The following MYO5A variants were observed in gnomAD, a reference collection of about 807,000 sequenced individuals.
MYO5A encodes unconventional myosin-Va.
A neutral mutation model predicts 249.7 loss-of-function variants in MYO5A; 98 were observed. The observed-to-expected ratio is 0.39, with a 90% CI of 0.33 to 0.46. The LOEUF (loss-of-function observed/expected upper bound fraction) is 0.46. Ranked by LOEUF, MYO5A falls within the 20% of genes least tolerant of loss-of-function variation. The pLI is 0.98. For synonymous variants in MYO5A, 778 were observed against 810.6 expected, an observed-to-expected ratio of 0.96 and a Z score of 0.68; for missense variants, 1,696 against 2,308.8, an observed-to-expected ratio of 0.73 and a Z score of 5.44.
At chr15:52,343,499 A>G (rs2039474107) in intron 30 of MYO5A, among the ~76,000 whole-genome samples, 1 of 152,242 alleles carries the variant, frequency 6.6e-6, no homozygotes, top group Non-Finnish European at 1.5e-5. Flanking sequence ...TTGATGTTTT[A>G]TTCAGCTAGC....
intron 25 of MYO5A, among the ~76,000 whole-genome samples, chr15:52,354,373 C>T (rs963675251): frequency 1.3e-4 from 20 of 152,252 alleles, no homozygotes; most frequent in African/African-American, 4.6e-4. Flanking sequence ...CCTAGCAAAT[C>T]TACATTTAGG....
At chr15:52,318,122 T>G (rs1346560892) in intron 39 of MYO5A, among the ~76,000 whole-genome samples, 1 of 152,118 alleles carries the variant, frequency 6.6e-6, no homozygotes, top group Non-Finnish European at 1.5e-5. Flanking sequence ...GGAGAAATCA[T>G]TTTTCCCTCC....
intron 25 of MYO5A, 35 bp downstream of exon 25, chr15:52,359,933 T>C (rs760802420): frequency 2.1e-6 from 3 of 1,437,500 alleles, no homozygotes; most frequent in African/African-American, 2.8e-5. Context: ...AGCATGCTCA[T>C]ATCCTACTTT....
At chr15:52,317,570 T>C (rs2038084336) in intron 39 of MYO5A, among the ~76,000 whole-genome samples, 1 of 152,236 alleles carries the variant, frequency 6.6e-6, no homozygotes, top group Non-Finnish European at 1.5e-5. Context: ...TTGTAGCTTC[T>C]CTTACAATTT....
chr15:52,389,057 A>G (rs1284588458), intron 13 of MYO5A, among the ~76,000 whole-genome samples, 181 bp downstream of exon 13: 3 of 152,146 alleles, frequency 2.0e-5, no homozygotes, highest in African/African-American at 7.2e-5. Flanking sequence ...TACTTATTTC[A>G]CAAATAACTC....
In MYO5A at chr15:52,410,997, A is replaced by C. The variant is rs200745394; in HGVS notation, c.613-521T>G. ...TTTTATTTGTCTTGTTATTCTCACA[A>C]AAATGATTTTCAGAAACAGCAGACC... is the stretch of plus-strand genomic sequence containing the variant. On this transcript the variant is annotated intron_variant, in intron 5 of 41. Transcript: ENST00000399233. Among the ~76,000 whole-genome samples, 5 of 152,208 alleles carry C rather than the reference A, an allele frequency of 3.3e-5. No individual in the cohort carries two copies. In the East Asian group the frequency reaches 9.6e-4, roughly 29 times the overall value.
chr15:52,425,814 GA>G lies in MYO5A; in HGVS notation c.455+15del, dbSNP rs2075382930. The G allele has an allele frequency of 1.9e-6, 3 of 1,613,284 alleles. No individual in the cohort carries two copies. Among genetic ancestry groups the G allele is most frequent in the Admixed American group, 1.7e-5 (1 of 60,006 alleles). ...CTAATAACTGCCATAAAATAACAAT[GA>G]AAGCTTCTACCAACCTGGCCATTTG... On this transcript the variant is annotated intron_variant, in intron 4 of 41. Transcript: ENST00000399233.
At chr15:52,391,885 T>C (rs1595582954) in intron 12 of MYO5A, 45 bp downstream of exon 12, 1 of 1,587,538 alleles carries the variant, frequency 6.3e-7, no homozygotes, top group Admixed American at 1.7e-5. Context: ...CTGACCTTGA[T>C]ACATCTATTT....
Position 52,505,702 on chromosome 15 carries a change from G to A in MYO5A, c.27+23078C>T. 2.3e-6 allele frequency: 3 copies of A among 1,295,340 alleles called. No individual in the cohort carries two copies. In the South Asian group the frequency reaches 3.5e-5, roughly 15 times the overall value. 80.2% of individuals were successfully genotyped at this position (1,295,340 alleles called of 1,614,324 possible). On this transcript the variant is annotated intron_variant, in intron 1 of 41. Transcript: ENST00000399233. ...CATTCAAGCAGACGTCTTAGTCTGG[G>A]ACTCATCTAAACTAGTTCCAGTGGG...
rs1356233250 is a variant in MYO5A at position 52,323,397 on chromosome 15, T to C, written c.4758A>G (p.Thr1586=). 8.7e-6 allele frequency: 14 copies of C among 1,613,866 alleles called. No individual in the cohort carries two copies. Among genetic ancestry groups the C allele is most frequent in the Non-Finnish European group, 1.2e-5 (14 of 1,179,802 alleles). Residue 1586 remains threonine, a synonymous_variant, in exon 37 of 42, where the codon ACA becomes ACG. Coordinates refer to ENST00000399233, the MANE Select transcript of MYO5A (RefSeq NM_001382347.1). Reference sequence around the variant, plus strand: ...GTTTCAAGCAGTGCAAAAATCGGCATGTGTTAGAGAGCCAGAAGGAGACGG... The same window carrying C: ...GTTTCAAGCAGTGCAAAAATCGGCACGTGTTAGAGAGCCAGAAGGAGACGG... ...FETVSFWLSN[T]CRFLHCLKQY... is the part of the protein sequence containing the mutation.
At chr15:52,364,808 A>C in intron 23 of MYO5A, 106 bp from the exon 24 acceptor site, 2 of 1,308,428 alleles carry the variant, frequency 1.5e-6, no homozygotes, top group Non-Finnish European at 2.2e-6. Context: ...TTTTACTTTT[A>C]GTATCACTGT....
intron 32 of MYO5A, among the ~76,000 whole-genome samples, chr15:52,339,458 CTG>C (rs1190967181): frequency 6.7e-6 from 1 of 149,204 alleles, no homozygotes; most frequent in African/African-American, 2.5e-5. Flanking sequence ...TGTCAAAAAA[CTG>C]TAAATCAGTA....
chr15:52,336,709 T>C (rs1015817162), intron 33 of MYO5A, among the ~76,000 whole-genome samples, 153 bp from the exon 34 acceptor site: 8 of 152,178 alleles, frequency 5.3e-5, no homozygotes, highest in African/African-American at 1.9e-4. Flanking sequence ...TTGGCAGGCA[T>C]GGGAAATGCA....
At chr15:52,323,498 A>G in intron 36 of MYO5A, 54 bp from the exon 37 acceptor site, 1 of 1,347,464 alleles carries the variant, frequency 7.4e-7, no homozygotes, top group Non-Finnish European at 1.1e-6. Context: ...ATAACAACCT[A>G]AAAAAAATTG....
intron 32 of MYO5A, 119 bp downstream of exon 32, chr15:52,340,077 G>C: frequency 9.7e-7 from 1 of 1,025,974 alleles, no homozygotes; most frequent in Non-Finnish European, 1.5e-6. Flanking sequence ...AGTAAGAGGG[G>C]TAACAAGTAC....
At chr15:52,408,797 G>C (rs2043123469) in intron 6 of MYO5A, among the ~76,000 whole-genome samples, 1 of 152,072 alleles carries the variant, frequency 6.6e-6, no homozygotes, top group Admixed American at 6.6e-5. Flanking sequence ...CATTTTTACA[G>C]TATACTCAGT....
intron 32 of MYO5A, among the ~76,000 whole-genome samples, chr15:52,338,653 A>C (rs1277700742): frequency 6.6e-6 from 1 of 152,230 alleles, no homozygotes; most frequent in Non-Finnish European, 1.5e-5. Flanking sequence ...GACCTACAAA[A>C]GGTTTTCCCC....
chr15:52,487,566 A>T (rs2076848468), intron 1 of MYO5A, among the ~76,000 whole-genome samples: 1 of 152,052 alleles, frequency 6.6e-6, no homozygotes. Flanking sequence ...TCTGCTAAAA[A>T]TATAAAAATT....
chr15:52,403,237 G>A (rs1187481495), intron 9 of MYO5A, among the ~76,000 whole-genome samples: 1 of 152,142 alleles, frequency 6.6e-6, no homozygotes, highest in Admixed American at 6.5e-5. Flanking sequence ...AGAAATCAGA[G>A]TTCTTTTTAA....
Sources: gnomAD v4.1 joint callset for allele counts (sites outside exome capture counted in the v4.1 genomes callset) on GRCh38, gnomAD v4.1.1 for gene constraint, MANE v1.5 for transcripts, NCBI Gene and HGNC (gene_info 2026-07-23, HGNC 2026-07-21) for gene names.